FMO2: variants seen among roughly 807,000 people sequenced by gnomAD.
FMO2 encodes flavin containing dimethylaniline monoxygenase 2, also known as flavin-containing monooxygenase 2.
Under a neutral mutation model 41.6 loss-of-function variants are expected in FMO2, and 33 were observed. The observed-to-expected ratio is 0.79, with a 90% CI of 0.60 to 1.06. FMO2 has a LOEUF of 1.06. Ranked by LOEUF, FMO2 falls within the 50% of genes least tolerant of loss-of-function variation. The pLI, the probability that FMO2 is intolerant of heterozygous loss-of-function variation, is 0.00. For missense variants in FMO2, 619 were observed against 632.9 expected (o/e 0.98, Z 0.23); for synonymous variants, 214 against 219.6 (o/e 0.97, Z 0.23).
intron 4 of FMO2, among the ~76,000 whole-genome samples, chr1:171,198,919 T>C (rs1236317469): frequency 6.6e-6 from 1 of 151,954 alleles, no homozygotes; most frequent in African/African-American, 2.4e-5. Flanking sequence ...TTTGTTTTGG[T>C]GTTGTGACAG....
At chr1:171,204,187 G>A (rs1046546674) in intron 6 of FMO2, 123 bp downstream of exon 6, 10 of 685,514 alleles carry the variant, frequency 1.5e-5, no homozygotes, top group Non-Finnish European at 2.3e-5. Flanking sequence ...AACAATATGA[G>A]TATCTTATAG....
intron 8 of FMO2, 80 bp from the exon 9 acceptor site, chr1:171,208,714 C>T: frequency 7.6e-7 from 1 of 1,319,902 alleles, no homozygotes; most frequent in South Asian, 1.3e-5. Context: ...TCCTTCATTC[C>T]TTTAGCAGTT....
chr1:171,191,366 G>C (rs373968244), intron 2 of FMO2, among the ~76,000 whole-genome samples: 3 of 152,092 alleles, frequency 2.0e-5, no homozygotes, highest in Non-Finnish European at 4.4e-5. Context: ...CAAATTGTTG[G>C]GTCTTTTAAA....
chr1:171,193,867 C>A (rs998821201), intron 3 of FMO2, among the ~76,000 whole-genome samples: 1 of 151,798 alleles, frequency 6.6e-6, no homozygotes, highest in African/African-American at 2.4e-5. Flanking sequence ...GCAACCTCTG[C>A]CTTCCAGGCT....
chr1:171,186,823 C>G (rs990286019), intron 2 of FMO2, among the ~76,000 whole-genome samples: 4 of 152,184 alleles, frequency 2.6e-5, no homozygotes, highest in African/African-American at 9.7e-5. Flanking sequence ...TAGGTAGTAG[C>G]TTACCACCTT....
chr1:171,200,603 G>A (rs552607912), intron 5 of FMO2, among the ~76,000 whole-genome samples: 1 of 152,270 alleles, frequency 6.6e-6, no homozygotes, highest in South Asian at 2.1e-4. Flanking sequence ...CGCCCAGCAG[G>A]TTAATGAAGG....
At chr1:171,202,363 C>T (rs1658571458) in intron 5 of FMO2, among the ~76,000 whole-genome samples, 1 of 152,030 alleles carries the variant, frequency 6.6e-6, no homozygotes, top group Admixed American at 6.6e-5. Flanking sequence ...AGGTATATAC[C>T]ACACACAGAC....
chr1:171,209,207 A>G lies in FMO2; in HGVS notation c.*62A>G. 2.4e-6 allele frequency: 1 copy of G among 420,454 alleles called. No homozygotes were observed. Among genetic ancestry groups the G allele is most frequent in the East Asian group, 3.5e-5 (1 of 28,896 alleles). 26.0% of individuals were successfully genotyped at this position (420,454 alleles called of 1,614,324 possible). A position where few individuals can be genotyped will look rare whatever the true frequency, so the allele number is the denominator to read the frequency against. ...CACTACCTCCTAAAGAAAAAAAAAA[A>G]GGCTAGAAGAAAAAACATTACATTC... On this transcript the variant is annotated 3_prime_UTR_variant, in exon 9 of 9. Transcript: ENST00000209929.
chr1:171,188,149 C>A (rs1406899111), intron 2 of FMO2, among the ~76,000 whole-genome samples: 2 of 151,740 alleles, frequency 1.3e-5, no homozygotes, highest in Non-Finnish European at 1.5e-5. Context: ...CTCCCTCCCC[C>A]AGTATACCAA....
At chr1:171,191,215 T>C (rs1221154682) in intron 2 of FMO2, among the ~76,000 whole-genome samples, 2 of 152,132 alleles carry the variant, frequency 1.3e-5, no homozygotes, top group Non-Finnish European at 2.9e-5. Context: ...GCTGACAGAC[T>C]ACACAAGTAA....
chr1:171,188,030 A>ATTTTTTT (rs67830022), intron 2 of FMO2, among the ~76,000 whole-genome samples: 3 of 97,722 alleles, frequency 3.1e-5, no homozygotes, highest in African/African-American at 4.4e-5. Context: ...TTCAGCTGGA[A>ATTTTTTT]TTTTTTTTTT....
chr1:171,209,491 TA>T lies in FMO2; in HGVS notation c.*349del, dbSNP rs1658898062. 1 of 182,196 alleles carries T rather than the reference TA, an allele frequency of 5.5e-6. No individual in the cohort carries two copies. Among genetic ancestry groups the T allele is most frequent in the Non-Finnish European group, 1.1e-5 (1 of 88,744 alleles). 11.3% of individuals were successfully genotyped at this position (182,196 alleles called of 1,614,324 possible). ...ACAGCATGAAAAGCAGCCCATGGTT[TA>T]AATTATTGGACAATTTAAATTGTGG... On this transcript the variant is annotated 3_prime_UTR_variant, in exon 9 of 9. Transcript: ENST00000209929.
intron 5 of FMO2, among the ~76,000 whole-genome samples, chr1:171,199,765 A>C (rs2102000114): frequency 6.6e-6 from 1 of 152,308 alleles, no homozygotes; most frequent in Non-Finnish European, 1.5e-5. Context: ...TTTCCATATA[A>C]GAGGCCTTTC....
At chr1:171,208,342 C>T (rs2072755) in intron 8 of FMO2, among the ~76,000 whole-genome samples, 16,479 of 152,174 alleles carry the variant, frequency 0.11, 1,053 homozygotes, top group East Asian at 0.25. Flanking sequence ...TGTTCAAATT[C>T]AAATTTACCT....
rs142910891 is a variant in FMO2 at position 171,207,768 on chromosome 1, A to C, written c.1234A>C (p.Arg412=). Residue 412 remains arginine, a synonymous_variant, in exon 8 of 9, where the codon AGG becomes CGG. Transcript: ENST00000209929. ...AACTATGATGATGGACATTATCAAA[A>C]GGAATGAAAAAAGAATTGACCTGTA... ...ERTMMMDIIK[R]NEKRIDLFGE... is the part of the protein sequence containing the mutation. 62 of 1,607,708 alleles carry C rather than the reference A, an allele frequency of 3.9e-5. No homozygotes were observed. The African/African-American group carries it at 7.2e-4, about 19-fold the overall frequency.
rs1657814347 is a variant in FMO2, at chr1:171,185,735, A to G, written c.22A>G (p.Ile8Val). 1 of 1,613,844 alleles carries G rather than the reference A, an allele frequency of 6.2e-7. No homozygotes were observed. The highest frequency in any genetic ancestry group is 8.5e-7 in the Non-Finnish European group (1 of 1,179,804). ...GCTGATGGCAAAGAAGGTAGCTGTG[A>G]TTGGAGCTGGGGTCAGTGGCCTAAT... MAKKVAV[I>V]GAGVSGLISL... The change falls in exon 2 of 9, where the codon ATT becomes GTT. Residue 8 changes from isoleucine to valine, a missense_variant. Coordinates refer to ENST00000209929, the MANE Select transcript of FMO2 (RefSeq NM_001460.5).
chr1:171,200,555 G>T (rs1571284946), intron 5 of FMO2, among the ~76,000 whole-genome samples: 4 of 152,182 alleles, frequency 2.6e-5, no homozygotes, highest in African/African-American at 9.6e-5. Flanking sequence ...CAGGACTCTA[G>T]ATACCCAGTG....
At chr1:171,187,381 G>T (rs763385171) in intron 2 of FMO2, among the ~76,000 whole-genome samples, 1 of 152,164 alleles carries the variant, frequency 6.6e-6, no homozygotes, top group Non-Finnish European at 1.5e-5. Flanking sequence ...TAGGAGGATG[G>T]CAAGGTGATC....
chr1:171,191,191 G>T (rs1658069976), intron 2 of FMO2, among the ~76,000 whole-genome samples: 1 of 151,888 alleles, frequency 6.6e-6, no homozygotes, highest in Non-Finnish European at 1.5e-5. Flanking sequence ...AAAATAGTGA[G>T]GTCATTATTG....
Sources: allele counts gnomAD v4.1 joint callset (sites outside exome capture counted in the v4.1 genomes callset), GRCh38; gene constraint gnomAD v4.1.1; transcripts MANE v1.5; gene names NCBI Gene and HGNC (gene_info 2026-07-23, HGNC 2026-07-21).